COPZ1: variants seen among roughly 807,000 people sequenced by gnomAD.
The protein encoded by COPZ1 is coatomer subunit zeta-1.
Under a neutral mutation model 31.7 loss-of-function variants are expected in COPZ1, and 4 were observed. The ratio of observed to expected loss-of-function variants is 0.13; its 90% CI spans 0.06 to 0.29. The LOEUF (loss-of-function observed/expected upper bound fraction) is 0.29. Among genes scored for constraint, COPZ1 ranks in the 10% least tolerant of loss-of-function variants. The pLI, the probability that COPZ1 is intolerant of heterozygous loss-of-function variation, is 1.00. For synonymous variants in COPZ1, 74 were observed against 79.0 expected (o/e 0.94, Z 0.33); for missense variants, 156 against 211.5 (o/e 0.74, Z 1.63).
At chr12:54,350,154 A>G in intron 8 of COPZ1, 1 of 662,820 alleles carries the variant, frequency 1.5e-6, no homozygotes, top group South Asian at 1.6e-5. Context: ...ATTCTCACCA[A>G]GAAGTCCATC....
rs765825699 is a variant in COPZ1, at chr12:54,342,255, A to G, written c.137A>G (p.Lys46Arg). 7 of 1,614,122 alleles carry G rather than the reference A, an allele frequency of 4.3e-6. No homozygotes were observed. In the East Asian group the frequency reaches 1.1e-4, roughly 26 times the overall value. ...PSVKEQKAFE[K>R]NIFNKTHRTD... ...GTCAAGGAGCAAAAGGCCTTTGAGA[A>G]GAACATTTTCAACAAGACCCATCGG... Residue 46 changes from lysine (K) to arginine (R), a missense_variant, in exon 3 of 9, where the codon AAG (lysine) becomes AGG (arginine). Lys to Arg is a conservative substitution (Grantham distance 26, BLOSUM62 2). Transcript: ENST00000262061.
Position 54,343,333 on chromosome 12 carries a change from C to A in COPZ1, c.261+17C>A. The A allele has an allele frequency of 6.3e-7, 1 of 1,591,676 alleles. No individual in the cohort carries two copies. Among genetic ancestry groups the A allele is most frequent in the South Asian group, 1.1e-5 (1 of 90,634 alleles). On this transcript the variant is annotated intron_variant, in intron 4 of 8. Transcript: ENST00000262061. ...GAAAATGAGGTGAGAATCCCCACCC[C>A]TCTTTGCTATTTCTGATCCTACTTT... is the stretch of plus-strand genomic sequence containing the variant.
chr12:54,329,428 C>T (rs1477907246), intron 1 of COPZ1, among the ~76,000 whole-genome samples: 1 of 152,072 alleles, frequency 6.6e-6, no homozygotes, highest in African/African-American at 2.4e-5. Context: ...GCTAAAAATA[C>T]AAAAATTAGC....
intron 5 of COPZ1, among the ~76,000 whole-genome samples, chr12:54,345,897 C>T (rs1954053925): frequency 6.7e-6 from 1 of 149,786 alleles, no homozygotes; most frequent in Non-Finnish European, 1.5e-5. Context: ...GCGGAGCTTG[C>T]AGTGAGCCGA....
At chr12:54,350,168 A>G (rs1954123402) in intron 8 of COPZ1, 6 of 675,530 alleles carry the variant, frequency 8.9e-6, no homozygotes, top group Non-Finnish European at 1.6e-5. Flanking sequence ...GTCCATCTGG[A>G]TTTGTTACCC....
intron 4 of COPZ1, 90 bp from the exon 5 acceptor site, chr12:54,345,370 T>C: frequency 1.1e-6 from 1 of 895,546 alleles, no homozygotes; most frequent in South Asian, 1.5e-5. Context: ...CTGTGTCTTT[T>C]GATGTTTAAT....
At chr12:54,329,430 A>G (rs1407925783) in intron 1 of COPZ1, among the ~76,000 whole-genome samples, 1 of 152,126 alleles carries the variant, frequency 6.6e-6, no homozygotes, top group Non-Finnish European at 1.5e-5. Context: ...TAAAAATACA[A>G]AAATTAGCTG....
Position 54,350,472 on chromosome 12 carries a change from G to C in COPZ1, c.487-4G>C. 6.2e-7 allele frequency: 1 copy of C among 1,613,808 alleles called. No individual in the cohort carries two copies. The highest frequency in any genetic ancestry group is 8.5e-7 in the Non-Finnish European group (1 of 1,179,730). ...TTTCCTCAATGCTGCTCTTATCTCTGCAGGTGCTGCAGTCAGCCAAAGAAC... is the reference window on the plus strand; with the variant it reads ...TTTCCTCAATGCTGCTCTTATCTCTCCAGGTGCTGCAGTCAGCCAAAGAAC... On this transcript the variant is annotated splice_region_variant and splice_polypyrimidine_tract_variant and intron_variant, in intron 8 of 8. Transcript: ENST00000262061.
chr12:54,329,052 C>G (rs1442768264), intron 1 of COPZ1, among the ~76,000 whole-genome samples: 1 of 152,164 alleles, frequency 6.6e-6, no homozygotes, highest in Non-Finnish European at 1.5e-5. Flanking sequence ...TTTGTCTAAT[C>G]TCTCTCAGGT....
intron 2 of COPZ1, 138 bp downstream of exon 2, chr12:54,340,753 T>TG: frequency 1.1e-6 from 1 of 943,592 alleles, no homozygotes; most frequent in Non-Finnish European, 1.6e-6. Flanking sequence ...TTTTTTGAGA[T>TG]GGAGTTTCGC....
intron 1 of COPZ1, 111 bp from the exon 2 acceptor site, chr12:54,340,436 C>G: frequency 6.6e-7 from 1 of 1,519,464 alleles, no homozygotes; most frequent in Non-Finnish European, 8.8e-7. Context: ...AAGGGACTTA[C>G]AGAGGTACCT....
intron 1 of COPZ1, among the ~76,000 whole-genome samples, chr12:54,339,772 C>T (rs1030968882): frequency 2.0e-5 from 3 of 152,132 alleles, no homozygotes; most frequent in African/African-American, 7.2e-5. Flanking sequence ...AAAAAAATTA[C>T]CCTCTTGCTC....
At chr12:54,327,713 A>G (rs1049916448) in intron 1 of COPZ1, among the ~76,000 whole-genome samples, 4 of 151,528 alleles carry the variant, frequency 2.6e-5, no homozygotes, top group Non-Finnish European at 4.4e-5. Flanking sequence ...GCAGTGAGCT[A>G]TGATTGTGCC....
intron 1 of COPZ1, among the ~76,000 whole-genome samples, chr12:54,336,282 C>T (rs982696467): frequency 3.9e-5 from 6 of 152,160 alleles, no homozygotes; most frequent in Non-Finnish European, 8.8e-5. Context: ...CGGTGGCTCA[C>T]GCCTGTAATC....
chr12:54,340,738 C>G, intron 2 of COPZ1, 123 bp downstream of exon 2: 1 of 912,742 alleles, frequency 1.1e-6, no homozygotes, highest in Non-Finnish European at 1.6e-6. Context: ...ATACTTCCAT[C>G]TTTTTTTTTT....
At chr12:54,335,231 T>C (rs945897573) in intron 1 of COPZ1, among the ~76,000 whole-genome samples, 6 of 151,952 alleles carry the variant, frequency 3.9e-5, no homozygotes, top group Admixed American at 2.0e-4. Context: ...GTATACCTAC[T>C]TAGCCATTTG....
chr12:54,348,937 A>G (rs1954105081), intron 7 of COPZ1, among the ~76,000 whole-genome samples: 1 of 151,994 alleles, frequency 6.6e-6, no homozygotes, highest in African/African-American at 2.4e-5. Context: ...CCCACCAACA[A>G]ATTATACGGG....
At chr12:54,325,236 A>C in intron 1 of COPZ1, 55 bp downstream of exon 1, 1 of 1,543,386 alleles carries the variant, frequency 6.5e-7, no homozygotes, top group South Asian at 1.2e-5. Context: ...GCCGGGAGTC[A>C]GGGTTCAGCC....
At chr12:54,333,699 T>G (rs998188730) in intron 1 of COPZ1, among the ~76,000 whole-genome samples, 3 of 152,140 alleles carry the variant, frequency 2.0e-5, no homozygotes, top group Non-Finnish European at 4.4e-5. Flanking sequence ...TGTAGGAGTT[T>G]AGAGACATTT....
Sources: gnomAD v4.1 joint callset for allele counts (sites outside exome capture counted in the v4.1 genomes callset) on GRCh38, gnomAD v4.1.1 for gene constraint, MANE v1.5 for transcripts, NCBI Gene and HGNC (gene_info 2026-07-23, HGNC 2026-07-21) for gene names.